TAF1B: variants seen among roughly 807,000 people sequenced by gnomAD.
The protein encoded by TAF1B is TATA-box binding protein associated factor, RNA polymerase I subunit B.
A neutral mutation model predicts 83.9 loss-of-function variants in TAF1B; 61 were observed. The ratio of observed to expected loss-of-function variants is 0.73; its 90% CI spans 0.59 to 0.90. The LOEUF is 0.90. Ranked by LOEUF, TAF1B falls within the 40% of genes least tolerant of loss-of-function variation. The pLI is 0.00. For synonymous variants in TAF1B, 221 were observed against 224.6 expected (o/e 0.98, Z 0.14); for missense variants, 625 against 677.0 (o/e 0.92, Z 0.85).
At position 9,868,343 on chromosome 2, in the gene TAF1B, GTCC is replaced by G. The variant is rs1406332772; in HGVS notation, c.472_474del (p.Pro158del). On this transcript the variant is annotated inframe_deletion, in exon 6 of 15. Transcript: ENST00000263663. Reference sequence around the variant, plus strand: ...CCTGAGCTGCTAAGTGATGTCAGCTGTCCTCCTTTTCTTGAAAGTGGAGCGGAG... The same window carrying G: ...CCTGAGCTGCTAAGTGATGTCAGCTGTCCTTTTCTTGAAAGTGGAGCGGAG... 1 of 1,614,168 alleles carries G rather than the reference GTCC, an allele frequency of 6.2e-7. No homozygotes were observed. Among genetic ancestry groups the G allele is most frequent in the African/African-American group, 1.3e-5 (1 of 75,040 alleles).
chr2:9,868,498 T>C, intron 6 of TAF1B, 69 bp downstream of exon 6: 1 of 1,557,266 alleles, frequency 6.4e-7, no homozygotes, highest in Non-Finnish European at 8.7e-7. Context: ...TTTAGTCTAA[T>C]CTTCTGATAA....
chr2:9,866,959 A>G (rs1360061808), intron 5 of TAF1B, among the ~76,000 whole-genome samples: 1 of 152,190 alleles, frequency 6.6e-6, no homozygotes, highest in East Asian at 1.9e-4. Flanking sequence ...GGGGGGAGGG[A>G]TAGCATTAGG....
At chr2:9,881,757 A>G (rs1038634132) in intron 7 of TAF1B, among the ~76,000 whole-genome samples, 6 of 152,184 alleles carry the variant, frequency 3.9e-5, no homozygotes, top group African/African-American at 1.4e-4. Context: ...AAATAAATAT[A>G]TTTGTCTATT....
At chr2:9,853,940 A>C (rs1461489379) in intron 4 of TAF1B, among the ~76,000 whole-genome samples, 1 of 152,186 alleles carries the variant, frequency 6.6e-6, no homozygotes, top group Non-Finnish European at 1.5e-5. Flanking sequence ...TCTCTATCTA[A>C]AATTAAGAAG....
chr2:9,882,416 C>G (rs1443115411), intron 7 of TAF1B, among the ~76,000 whole-genome samples: 1 of 152,198 alleles, frequency 6.6e-6, no homozygotes, highest in African/African-American at 2.4e-5. Context: ...CTGCTGCTGC[C>G]TCCCAAATAG....
intron 5 of TAF1B, among the ~76,000 whole-genome samples, chr2:9,863,245 G>C (rs1186093081): frequency 2.6e-5 from 4 of 152,216 alleles, no homozygotes; most frequent in Non-Finnish European, 5.9e-5. Context: ...TAAAGGGATG[G>C]AGGAAGATCT....
At chr2:9,854,573 G>A (rs1663499233) in intron 5 of TAF1B, 152 bp downstream of exon 5, 1 of 565,296 alleles carries the variant, frequency 1.8e-6, no homozygotes, top group Admixed American at 3.1e-5. Flanking sequence ...TAGAGGACGG[G>A]GTCACTGATT....
chr2:9,928,721 C>G (rs1459851533), intron 14 of TAF1B, among the ~76,000 whole-genome samples: 5 of 152,202 alleles, frequency 3.3e-5, no homozygotes, highest in Non-Finnish European at 5.9e-5. Context: ...TATCCTGAGA[C>G]TTTGCTGAAG....
intron 5 of TAF1B, among the ~76,000 whole-genome samples, chr2:9,867,265 A>G (rs1664013147): frequency 6.6e-6 from 1 of 152,182 alleles, no homozygotes; most frequent in African/African-American, 2.4e-5. Flanking sequence ...CTGGCTTTAA[A>G]CAGGAGTTTG....
At chr2:9,866,708 T>C (rs897630724) in intron 5 of TAF1B, among the ~76,000 whole-genome samples, 7 of 152,132 alleles carry the variant, frequency 4.6e-5, no homozygotes, top group Non-Finnish European at 8.8e-5. Flanking sequence ...AATGATAGAC[T>C]GGATTAAGAA....
chr2:9,857,562 A>T lies in TAF1B; in HGVS notation c.399+3141A>T, dbSNP rs77637755. On this transcript the variant is annotated intron_variant, in intron 5 of 14. Transcript: ENST00000263663. ...AAGTTTGAGACAGCTGTTAGCATCT[A>T]TTAGTCCATTTTCACACTGCTATAA... 5.8e-3 allele frequency among the ~76,000 whole-genome samples: 888 copies of T among 152,280 alleles called. 12 individuals are homozygous for T. The highest frequency in any genetic ancestry group is 0.02 in the African/African-American group (823 of 41,548).
At chr2:9,878,669 T>C (rs1408097647) in intron 7 of TAF1B, among the ~76,000 whole-genome samples, 1 of 152,170 alleles carries the variant, frequency 6.6e-6, no homozygotes, top group Non-Finnish European at 1.5e-5. Context: ...TAAATTTGTA[T>C]TGAATATCTA....
intron 8 of TAF1B, among the ~76,000 whole-genome samples, chr2:9,890,270 C>T (rs1443013238): frequency 6.6e-6 from 1 of 152,158 alleles, no homozygotes; most frequent in Non-Finnish European, 1.5e-5. Flanking sequence ...TGAACCTGTT[C>T]TTTCATATAT....
chr2:9,845,433 C>T (rs1663174826), intron 2 of TAF1B, 115 bp downstream of exon 2: 1 of 740,238 alleles, frequency 1.4e-6, no homozygotes. Flanking sequence ...CATGCAATGC[C>T]AACATTCCAA....
intron 5 of TAF1B, among the ~76,000 whole-genome samples, chr2:9,866,258 C>T (rs985820250): frequency 6.6e-6 from 1 of 152,134 alleles, no homozygotes; most frequent in African/African-American, 2.4e-5. Flanking sequence ...CAAACAACCC[C>T]ATGAAATGTG....
At chr2:9,892,332 G>A (rs1664895256) in intron 8 of TAF1B, among the ~76,000 whole-genome samples, 1 of 152,154 alleles carries the variant, frequency 6.6e-6, no homozygotes, top group Non-Finnish European at 1.5e-5. Context: ...ACCCAATGAT[G>A]CATTTCTCAG....
rs1369380799 is a variant in TAF1B, at chr2:9,911,464, A to G, written c.1134-47A>G. On this transcript the variant is annotated intron_variant, in intron 10 of 14. Coordinates refer to ENST00000263663, the MANE Select transcript of TAF1B (RefSeq NM_005680.3). The stretch of plus-strand genomic sequence containing the variant: ...AGAAGAATTCAGAATTTATCTTTCC[A>G]AATACATGACTTCTAAATAAATTGA... 2.9e-6 allele frequency: 4 copies of G among 1,392,836 alleles called. No homozygotes were observed. In the African/African-American group the frequency reaches 5.9e-5, roughly 21 times the overall value. 86.3% of individuals were successfully genotyped at this position (1,392,836 alleles called of 1,614,324 possible). A position where few individuals can be genotyped will look rare whatever the true frequency, so the allele number is the denominator to read the frequency against.
chr2:9,856,712 AG>A (rs1663577431), intron 5 of TAF1B, among the ~76,000 whole-genome samples: 1 of 152,162 alleles, frequency 6.6e-6, no homozygotes, highest in South Asian at 2.1e-4. Flanking sequence ...TTTTAAAAAA[AG>A]GTTTTTCTAG....
chr2:9,859,054 C>T lies in TAF1B; in HGVS notation c.399+4633C>T, dbSNP rs138882521. On this transcript the variant is annotated intron_variant, in intron 5 of 14. Coordinates refer to ENST00000263663, the MANE Select transcript of TAF1B (RefSeq NM_005680.3). ...GGTTTTCCTTTTTTACCTTGTCGTC[C>T]TGCTGGAAATATTCCAAACTTCTAT... Among the ~76,000 whole-genome samples, 132 of 152,320 alleles carry T rather than the reference C, an allele frequency of 8.7e-4. 1 individual carries two copies. The East Asian group carries it at 0.022, about 26-fold the overall frequency.
Sources: allele counts gnomAD v4.1 joint callset (sites outside exome capture counted in the v4.1 genomes callset), GRCh38; gene constraint gnomAD v4.1.1; transcripts MANE v1.5; gene names NCBI Gene and HGNC (gene_info 2026-07-23, HGNC 2026-07-21).